The following DOCK10 variants were observed in gnomAD, a reference collection of about 807,000 sequenced individuals.
DOCK10 encodes dedicator of cytokinesis 10.
DOCK10 carries 145 observed loss-of-function variants against 280.1 expected under a neutral mutation model. The observed-to-expected ratio is 0.52, with a 90% CI of 0.45 to 0.59. The LOEUF (loss-of-function observed/expected upper bound fraction) is 0.59, where lower values mean the gene tolerates loss of function less well. DOCK10 is among the 20% of genes least tolerant of loss of function. The pLI is 0.00. For synonymous variants in DOCK10, 915 were observed against 942.2 expected (o/e 0.97, Z 0.53); for missense variants, 2,368 against 2,651.7 (o/e 0.89, Z 2.35).
intron 50 of DOCK10, among the ~76,000 whole-genome samples, chr2:224,781,554 G>A (rs971273043): frequency 6.6e-6 from 1 of 152,186 alleles, no homozygotes; most frequent in Non-Finnish European, 1.5e-5. Context: ...TGATATAAAT[G>A]ATTTACAAAC....
At chr2:225,014,084 G>A (rs58450870) in intron 1 of DOCK10, among the ~76,000 whole-genome samples, 5,795 of 104,166 alleles carry the variant, frequency 0.056, 257 homozygotes, top group Middle Eastern at 0.075. Flanking sequence ...TGAATATATT[G>A]TTTTTTTTTT....
chr2:224,963,767 T>G (rs1029307250), intron 1 of DOCK10, among the ~76,000 whole-genome samples: 2 of 152,228 alleles, frequency 1.3e-5, no homozygotes, highest in Non-Finnish European at 2.9e-5. Flanking sequence ...GACTGTAACA[T>G]GAAAGTTAGT....
chr2:224,796,593 C>T (rs987902934), intron 43 of DOCK10, among the ~76,000 whole-genome samples, 167 bp from the exon 44 acceptor site: 46 of 152,050 alleles, frequency 3.0e-4, no homozygotes, highest in African/African-American at 1.1e-3. Flanking sequence ...AGGGTGTTTC[C>T]TATAATCTTA....
intron 1 of DOCK10, among the ~76,000 whole-genome samples, chr2:224,958,772 G>A (rs1193714468): frequency 6.6e-6 from 1 of 152,134 alleles, no homozygotes; most frequent in African/African-American, 2.4e-5. Flanking sequence ...TGTTTCAACG[G>A]TGCGGGATCT....
Position 224,805,228 on chromosome 2 carries a change from G to C in DOCK10, c.4029C>G (p.His1343Gln), listed in dbSNP as rs1305785349. 7 of 1,610,874 alleles carry C rather than the reference G, an allele frequency of 4.3e-6. No homozygotes were observed. Among genetic ancestry groups the C allele is most frequent in the Non-Finnish European group, 5.9e-6 (7 of 1,178,718 alleles). ...ETRSLLMCFLHIMKTISYETL... is the reference protein window; with the variant it reads ...ETRSLLMCFLQIMKTISYETL... ...TACCGTACGAAATCGTTTTCATAAT[G>C]TGAAGAAAACACATCAGGAGACTCC... Residue 1343 changes from histidine (H) to glutamine (Q), a missense_variant, in exon 36 of 56, where the codon CAC (histidine) becomes CAG (glutamine). By Grantham distance (24) the His-to-Gln change is conservative. This residue lies in a region of DOCK10 where 1,159 missense variants were observed against 1,400.8 expected (regional missense o/e 0.83). Transcript: ENST00000258390. The surrounding 1 kb of genome is among the most constrained non-coding windows in gnomAD (Gnocchi z 4.3).
In DOCK10 at chr2:224,787,122, A is replaced by C; in HGVS notation, c.5555T>G (p.Leu1852Arg). The C allele has an allele frequency of 6.2e-7, 1 of 1,613,832 alleles. No individual in the cohort carries two copies. Among genetic ancestry groups the C allele is most frequent in the African/African-American group, 1.3e-5 (1 of 75,068 alleles). Reference protein sequence around the residue: ...KQRDFKKLSDLYYDIHRSYLK... With the variant: ...KQRDFKKLSDRYYDIHRSYLK... ...ATATGACCGATGAATGTCGTAGTAG[A>C]GATCTGACAATTTCTGAAACCATAA... Residue 1852 changes from leucine (L) to arginine (R), a missense_variant, in exon 50 of 56, where the codon CTC becomes CGC. Leu to Arg is a moderately radical substitution (Grantham distance 102, BLOSUM62 -2). Around this residue, in one of 2 missense-constraint regions of DOCK10, gnomAD observed 1,159 missense variants for 1,400.8 expected, o/e 0.83. Coordinates refer to ENST00000258390, the MANE Select transcript of DOCK10 (RefSeq NM_014689.3).
intron 1 of DOCK10, among the ~76,000 whole-genome samples, chr2:224,957,860 A>T (rs1161692664): frequency 6.6e-6 from 1 of 152,230 alleles, no homozygotes; most frequent in African/African-American, 2.4e-5. Flanking sequence ...CAAACCCATT[A>T]TAATCTTCAA....
intron 50 of DOCK10, among the ~76,000 whole-genome samples, chr2:224,781,015 G>GT (rs894762288): frequency 6.6e-6 from 1 of 152,172 alleles, no homozygotes; most frequent in Admixed American, 6.5e-5. Flanking sequence ...CTGGGAGGCT[G>GT]TAAGGACCGC....
chr2:224,874,068 C>T lies in DOCK10; in HGVS notation c.1185G>A (p.Met395Ile). ...PFEEKAAKRI[M>I]IICKALNSNL... ...TTGAGTTGAGGGCTTTACAGATGAT[C>T]ATGATTCTCTTGGCAGCTTTTTCTT... Residue 395 changes from methionine to isoleucine, a missense_variant, in exon 11 of 56, where the codon ATG (methionine) becomes ATA (isoleucine). Met to Ile is a conservative substitution (Grantham distance 10). This residue lies in a region of DOCK10 where 1,209 missense variants were observed against 1,250.9 expected (regional missense o/e 0.97). Transcript: ENST00000258390. The T allele has an allele frequency of 6.2e-7, 1 of 1,613,494 alleles. No individual in the cohort carries two copies.
intron 3 of DOCK10, among the ~76,000 whole-genome samples, chr2:224,902,848 C>T (rs1236865717): frequency 1.3e-5 from 2 of 152,024 alleles, no homozygotes; most frequent in African/African-American, 2.4e-5. Context: ...AATCCCAGCA[C>T]TTAGGGAGGC....
intron 1 of DOCK10, among the ~76,000 whole-genome samples, chr2:224,979,840 C>T (rs954771062): frequency 6.6e-6 from 1 of 152,114 alleles, no homozygotes; most frequent in African/African-American, 2.4e-5. Context: ...TTTCTATCCT[C>T]ATTTTATAGG....
Position 225,016,547 on chromosome 2 carries a change from A to G in DOCK10, c.123+25705T>C, listed in dbSNP as rs147060169. Among the ~76,000 whole-genome samples, 317 of 117,618 alleles carry G rather than the reference A, an allele frequency of 2.7e-3. 4 individuals carry two copies. Among genetic ancestry groups the G allele is most frequent in the Middle Eastern group, 0.011 (2 of 184 alleles). The allele number at this position is 117,618 out of a possible 152,430, so 77.2% of individuals were successfully genotyped here. On this transcript the variant is annotated intron_variant, in intron 1 of 55. Transcript: ENST00000258390. ...TATGCACATAGATACATATATCTAT[A>G]TGCACATAGATACATATATCTATGT...
chr2:224,780,690 C>T (rs1273041460), intron 50 of DOCK10, among the ~76,000 whole-genome samples: 1 of 152,018 alleles, frequency 6.6e-6, no homozygotes, highest in African/African-American at 2.4e-5. Flanking sequence ...TCACAAAGTA[C>T]AAGAGATCGA....
chr2:225,010,512 T>A (rs1027706190), intron 1 of DOCK10: 2 of 154,114 alleles, frequency 1.3e-5, no homozygotes, highest in African/African-American at 4.8e-5. Flanking sequence ...GTATCTTAGA[T>A]AAAATGCCTC....
chr2:224,819,420 C>A, intron 29 of DOCK10, 26 bp downstream of exon 29: 1 of 1,454,696 alleles, frequency 6.9e-7, no homozygotes, highest in Non-Finnish European at 9.5e-7. Context: ...GTTTAGAAAA[C>A]AATCACTCCT....
chr2:224,942,716 CT>C (rs142000146), intron 1 of DOCK10, among the ~76,000 whole-genome samples: 6,059 of 152,208 alleles, frequency 0.04, 394 homozygotes, highest in African/African-American at 0.14. Context: ...TATGTTAAAG[CT>C]ATTCAGATTA....
At chr2:225,024,532 A>G (rs1468181498) in intron 1 of DOCK10, among the ~76,000 whole-genome samples, 1 of 152,202 alleles carries the variant, frequency 6.6e-6, no homozygotes, top group Non-Finnish European at 1.5e-5. Context: ...TGTATTTTAC[A>G]ATTGTTTTAC....
At chr2:224,996,162 G>T (rs1379687770) in intron 1 of DOCK10, among the ~76,000 whole-genome samples, 1 of 152,204 alleles carries the variant, frequency 6.6e-6, no homozygotes, top group East Asian at 1.9e-4. Context: ...GTGATAAAAG[G>T]TCACCCTATA....
intron 1 of DOCK10, among the ~76,000 whole-genome samples, chr2:224,982,920 C>T (rs1705819745): frequency 6.6e-6 from 1 of 152,060 alleles, no homozygotes. Context: ...TTATCTGAAA[C>T]ATAGAGTTCA....
Sources: allele counts gnomAD v4.1 joint callset (sites outside exome capture counted in the v4.1 genomes callset), GRCh38; gene constraint gnomAD v4.1.1; regional missense constraint gnomAD v4.1.1; non-coding constraint Gnocchi (gnomAD v3.1); transcripts MANE v1.5; gene names NCBI Gene and HGNC (gene_info 2026-07-23, HGNC 2026-07-21).